SLC4A4: variants seen among roughly 807,000 people sequenced by gnomAD.
SLC4A4 encodes electrogenic sodium bicarbonate cotransporter 1.
A neutral mutation model predicts 111.5 loss-of-function variants in SLC4A4; 27 were observed. The observed-to-expected ratio is 0.24, with a 90% confidence interval of 0.18 to 0.33. SLC4A4 has a LOEUF of 0.33. SLC4A4 is among the 10% of genes least tolerant of loss of function. SLC4A4 has a pLI of 1.00. For missense variants in SLC4A4, 909 were observed against 1,315.5 expected (o/e 0.69, Z 4.78); for synonymous variants, 443 against 463.4 (o/e 0.96, Z 0.57).
At chr4:71,354,708 T>A (rs1382053249) in intron 5 of SLC4A4, among the ~76,000 whole-genome samples, 2 of 152,318 alleles carry the variant, frequency 1.3e-5, no homozygotes, top group Middle Eastern at 3.4e-3. Context: ...GCTTAGTTTT[T>A]AAATAAAGAA....
At chr4:71,239,665 C>T (rs1272904845) in intron 2 of SLC4A4, among the ~76,000 whole-genome samples, 3 of 152,170 alleles carry the variant, frequency 2.0e-5, no homozygotes, top group Admixed American at 6.5e-5. Flanking sequence ...ATCTATGTGG[C>T]ATATATTTAA....
intron 3 of SLC4A4, among the ~76,000 whole-genome samples, chr4:71,266,673 C>G (rs1722285961): frequency 6.6e-6 from 1 of 152,076 alleles, no homozygotes; most frequent in Non-Finnish European, 1.5e-5. Context: ...GAGATACGAT[C>G]TATTTGTATG....
intron 3 of SLC4A4, among the ~76,000 whole-genome samples, chr4:71,270,296 G>A (rs1722611151): frequency 6.6e-6 from 1 of 152,044 alleles, no homozygotes; most frequent in African/African-American, 2.4e-5. Flanking sequence ...CACCATGTTG[G>A]CCAGGCTGGT....
rs1298478082 is a variant in SLC4A4, at chr4:71,099,883, T to C, written c.-2+7091T>C. The stretch of plus-strand genomic sequence containing the variant: ...ATGGATAAATTCCTGGCTACATATA[T>C]CCTCCCAAGACTGAACCAGGAAGAA... On this transcript the variant is annotated intron_variant, in intron 2 of 26. Transcript: ENST00000649996. Among the ~76,000 whole-genome samples the C allele has an allele frequency of 2.6e-5, 4 of 151,870 alleles. 1 individual carries two copies. The highest frequency in any genetic ancestry group is 2.6e-4 in the Admixed American group (4 of 15,232).
intron 2 of SLC4A4, among the ~76,000 whole-genome samples, chr4:71,144,321 C>T (rs1744101686): frequency 6.6e-6 from 1 of 152,168 alleles, no homozygotes. Flanking sequence ...TGTTTTGGTA[C>T]CAGTACCATT....
At chr4:71,479,255 T>A (rs1728651526) in intron 14 of SLC4A4, among the ~76,000 whole-genome samples, 1 of 151,664 alleles carries the variant, frequency 6.6e-6, no homozygotes, top group Non-Finnish European at 1.5e-5. Flanking sequence ...AATAGTTGGC[T>A]TTTTTCCTGG....
At chr4:71,413,914 C>T (rs188393642) in intron 7 of SLC4A4, among the ~76,000 whole-genome samples, 8 of 152,230 alleles carry the variant, frequency 5.3e-5, no homozygotes, top group Non-Finnish European at 1.2e-4. Context: ...GCTTAGGAAG[C>T]CCAAATTTCC....
At chr4:71,162,168 A>T (rs1744630988) in intron 2 of SLC4A4, among the ~76,000 whole-genome samples, 1 of 152,286 alleles carries the variant, frequency 6.6e-6, no homozygotes, top group East Asian at 1.9e-4. Flanking sequence ...GGTTATTTAC[A>T]ATTATTTTGG....
chr4:71,560,375 G>A (rs1256507674), intron 23 of SLC4A4, 121 bp downstream of exon 23: 1 of 1,130,024 alleles, frequency 8.8e-7, no homozygotes, highest in African/African-American at 1.5e-5. Flanking sequence ...CTGGACATGT[G>A]GTGTATTACT....
chr4:71,339,042 A>C, intron 3 of SLC4A4: 1 of 1,479,994 alleles, frequency 6.8e-7, no homozygotes, highest in Non-Finnish European at 8.9e-7. Context: ...TGGATGAGTC[A>C]TAAGTGGAGA....
At chr4:71,301,751 C>T (rs2148841116) in intron 3 of SLC4A4, among the ~76,000 whole-genome samples, 1 of 152,336 alleles carries the variant, frequency 6.6e-6, no homozygotes, top group East Asian at 1.9e-4. Flanking sequence ...TCAGTTTGGC[C>T]ACCACAGCCA....
At chr4:71,202,174 A>G (rs1746285400) in intron 1 of SLC4A4, among the ~76,000 whole-genome samples, 2 of 152,252 alleles carry the variant, frequency 1.3e-5, no homozygotes, top group African/African-American at 2.4e-5. Context: ...TTTATTTCTT[A>G]AACATTTCAG....
chr4:71,126,143 T>C (rs558779979), intron 2 of SLC4A4, among the ~76,000 whole-genome samples: 3 of 152,322 alleles, frequency 2.0e-5, no homozygotes, highest in East Asian at 3.9e-4. Context: ...ATTTCTTAAA[T>C]TGTGAAATTT....
intron 16 of SLC4A4, among the ~76,000 whole-genome samples, chr4:71,531,236 G>A (rs983264573): frequency 1.3e-5 from 2 of 152,028 alleles, no homozygotes; most frequent in Admixed American, 6.6e-5. Context: ...ACTTGCAAAT[G>A]GCCATTATTC....
intron 7 of SLC4A4, among the ~76,000 whole-genome samples, chr4:71,418,072 A>C (rs1415669751): frequency 6.6e-6 from 1 of 152,224 alleles, no homozygotes. Flanking sequence ...TTTTTAAAAA[A>C]ATAATGTGAG....
At position 71,473,866 on chromosome 4, in the gene SLC4A4, G is replaced by A. The variant is rs377697281; in HGVS notation, c.1903+896G>A. 7.2e-5 allele frequency among the ~76,000 whole-genome samples: 11 copies of A among 151,896 alleles called. No homozygotes were observed. In the South Asian group the frequency reaches 1.5e-3, roughly 20 times the overall value. Reference sequence around the variant, plus strand: ...CTCATAGAAAAAGGAATAGGGACTGGGTGTGGTGTCTCATGCCTGTAATTT... The same window carrying A: ...CTCATAGAAAAAGGAATAGGGACTGAGTGTGGTGTCTCATGCCTGTAATTT... On this transcript the variant is annotated intron_variant, in intron 14 of 25. Transcript: ENST00000264485.
chr4:71,569,216 G>A lies in SLC4A4; in HGVS notation c.*1465G>A, dbSNP rs1737749074. On this transcript the variant is annotated 3_prime_UTR_variant, in exon 26 of 26. Transcript: ENST00000264485. ...AGAAGTCTGTCCATATGAAAATGAG[G>A]GTAAATATAGTTTATTTCCCAGGTA... The A allele has an allele frequency of 6.6e-6, 1 of 151,254 alleles. No homozygotes were observed. The highest frequency in any genetic ancestry group is 6.6e-5 in the Admixed American group (1 of 15,130). 9.4% of individuals were successfully genotyped at this position (151,254 alleles called of 1,614,324 possible).
At chr4:71,100,720 C>T (rs938288417) in intron 2 of SLC4A4, among the ~76,000 whole-genome samples, 2 of 152,150 alleles carry the variant, frequency 1.3e-5, no homozygotes, top group African/African-American at 4.8e-5. Context: ...CCCAAAAGCT[C>T]CTTCAGGTGA....
At chr4:71,289,963 A>C (rs1724207894) in intron 3 of SLC4A4, among the ~76,000 whole-genome samples, 2 of 152,246 alleles carry the variant, frequency 1.3e-5, no homozygotes, top group Admixed American at 6.5e-5. Flanking sequence ...AGGCAGCAAC[A>C]TCTATGATAG....
Sources: allele counts gnomAD v4.1 joint callset (sites outside exome capture counted in the v4.1 genomes callset), GRCh38; gene constraint gnomAD v4.1.1; transcripts MANE v1.5; gene names NCBI Gene and HGNC (gene_info 2026-07-23, HGNC 2026-07-21).